HECW2: variants seen among roughly 807,000 people sequenced by gnomAD.
The protein encoded by HECW2 is HECT, C2 and WW domain containing E3 ubiquitin protein ligase 2, also known as E3 ubiquitin-protein ligase HECW2.
HECW2 carries 61 observed loss-of-function variants against 175.2 expected under a neutral mutation model. The ratio of observed to expected loss-of-function variants is 0.35; its 90% CI spans 0.28 to 0.43. The LOEUF is 0.43. Among genes scored for constraint, HECW2 ranks in the 20% least tolerant of loss-of-function variants. The probability of loss-of-function intolerance (pLI) is 1.00; values close to 1 mark genes in which losing one functional copy is unlikely to be tolerated. For synonymous variants in HECW2, 671 were observed against 731.0 expected (o/e 0.92, Z 1.32); for missense variants, 1,524 against 2,000.5 (o/e 0.76, Z 4.54).
chr2:196,277,403 T>C (rs938916558), intron 15 of HECW2, among the ~76,000 whole-genome samples: 3 of 152,222 alleles, frequency 2.0e-5, no homozygotes, highest in African/African-American at 7.2e-5. Flanking sequence ...TAATGTAATA[T>C]AGAAAACTTC....
At chr2:196,405,575 C>T (rs1160801972) in intron 2 of HECW2, among the ~76,000 whole-genome samples, 1 of 152,178 alleles carries the variant, frequency 6.6e-6, no homozygotes, top group African/African-American at 2.4e-5. Flanking sequence ...AACCCCCCAT[C>T]TTATGCTCTA....
chr2:196,292,417 CCTG>C, intron 14 of HECW2, 145 bp downstream of exon 14: 1 of 657,766 alleles, frequency 1.5e-6, no homozygotes, highest in Non-Finnish European at 2.6e-6. Context: ...TCACAAACAA[CCTG>C]CTGTCCAGGT....
intron 2 of HECW2, among the ~76,000 whole-genome samples, chr2:196,392,411 T>C (rs1205295868): frequency 2.0e-5 from 3 of 152,190 alleles, no homozygotes; most frequent in Non-Finnish European, 4.4e-5. Context: ...TCTAGTTCTT[T>C]GCTTTTAAGT....
At chr2:196,313,728 GAAC>G (rs750487555) in intron 10 of HECW2, among the ~76,000 whole-genome samples, 1 of 152,056 alleles carries the variant, frequency 6.6e-6, no homozygotes, top group African/African-American at 2.4e-5. Context: ...AAAATAACAA[GAAC>G]AACAATAATA....
At chr2:196,578,396 T>C (rs1007521864) in intron 1 of HECW2, among the ~76,000 whole-genome samples, 4 of 152,174 alleles carry the variant, frequency 2.6e-5, no homozygotes, top group African/African-American at 4.8e-5. Context: ...CAAAGCAACA[T>C]ATGCACACTG....
intron 17 of HECW2, among the ~76,000 whole-genome samples, chr2:196,270,938 C>T (rs1472024942): frequency 1.3e-5 from 2 of 152,124 alleles, no homozygotes; most frequent in Non-Finnish European, 2.9e-5. Context: ...TCGTGATCTG[C>T]CTGCCTCGGC....
chr2:196,542,683 A>G (rs1689266090), intron 1 of HECW2, among the ~76,000 whole-genome samples: 1 of 151,926 alleles, frequency 6.6e-6, no homozygotes. Flanking sequence ...CATGTATACA[A>G]GCAGGTGGGT....
chr2:196,434,063 T>C (rs1416479670), intron 1 of HECW2, among the ~76,000 whole-genome samples: 7 of 147,262 alleles, frequency 4.8e-5, no homozygotes, highest in African/African-American at 1.6e-4. Context: ...TCTATAGCAA[T>C]TTTTGTGATC....
chr2:196,248,416 A>G (rs1267259073), intron 19 of HECW2, among the ~76,000 whole-genome samples: 1 of 152,042 alleles, frequency 6.6e-6, no homozygotes, highest in Non-Finnish European at 1.5e-5. Context: ...CAACTTCCCC[A>G]TCCCTACCCA....
intron 2 of HECW2, among the ~76,000 whole-genome samples, chr2:196,420,429 A>G (rs1226752237): frequency 6.6e-6 from 1 of 152,248 alleles, no homozygotes; most frequent in East Asian, 1.9e-4. Flanking sequence ...TAAGGCCTTG[A>G]CTTTACAAAT....
chr2:196,283,433 TGG>T (rs1230888262), intron 14 of HECW2, among the ~76,000 whole-genome samples: 1 of 149,448 alleles, frequency 6.7e-6, no homozygotes, highest in African/African-American at 2.5e-5. Flanking sequence ...TGGAGTGCAG[TGG>T]CACAATCTTG....
chr2:196,274,114 C>A lies in HECW2; in HGVS notation c.3145G>T (p.Asp1049Tyr), dbSNP rs752907605. ...ACTGGTGGTCCTGCATGTCGAGAAT[C>A]TTCTCCTACCTGCAAACAGAAGCAT... ...RSHSAGEVGE[D>Y]SRHAGPPVLP... Residue 1049 changes from aspartate to tyrosine, a missense_variant, in exon 16 of 29, where the codon GAT becomes TAT. Asp to Tyr is a radical substitution (Grantham distance 160, BLOSUM62 -3). Coordinates refer to ENST00000644978, the MANE Select transcript of HECW2 (RefSeq NM_001348768.2). 1.9e-6 allele frequency: 3 copies of A among 1,612,776 alleles called. No homozygotes were observed. The highest frequency in any genetic ancestry group is 2.5e-6 in the Non-Finnish European group (3 of 1,178,896).
Position 196,294,353 on chromosome 2 carries a change from G to C in HECW2, c.2815-1603C>G, listed in dbSNP as rs528462937. ...GACCAGGCCGTGAATGATCATCCTG[G>C]AACTCTATTCTTCTCAGACTGATTC... is the stretch of plus-strand genomic sequence containing the variant. On this transcript the variant is annotated intron_variant, in intron 13 of 28. Coordinates refer to ENST00000644978, the MANE Select transcript of HECW2 (RefSeq NM_001348768.2). Among the ~76,000 whole-genome samples, 3 of 152,292 alleles carry C rather than the reference G, an allele frequency of 2.0e-5. No individual in the cohort carries two copies. In the East Asian group the frequency reaches 5.8e-4, roughly 29 times the overall value.
chr2:196,461,529 C>A (rs558573575), intron 1 of HECW2, among the ~76,000 whole-genome samples: 1 of 152,172 alleles, frequency 6.6e-6, no homozygotes, highest in African/African-American at 2.4e-5. Flanking sequence ...CACACAAAGA[C>A]TTATTGTATT....
At chr2:196,202,784 T>C (rs1020216830) in intron 28 of HECW2, among the ~76,000 whole-genome samples, 4 of 152,326 alleles carry the variant, frequency 2.6e-5, no homozygotes, top group South Asian at 2.1e-4. Flanking sequence ...AGAATACAGA[T>C]AGAGTATTCC....
chr2:196,401,079 A>G (rs1011404051), intron 2 of HECW2, among the ~76,000 whole-genome samples: 1 of 152,222 alleles, frequency 6.6e-6, no homozygotes, highest in Admixed American at 6.5e-5. Flanking sequence ...CTCAAATTAA[A>G]TGCGCACATT....
rs150376728 is a variant in HECW2 at position 196,363,546 on chromosome 2, C to G, written c.293-19782G>C. Among the ~76,000 whole-genome samples the G allele has an allele frequency of 5.3e-5, 8 of 152,312 alleles. No individual in the cohort carries two copies. In the East Asian group the frequency reaches 1.5e-3, roughly 29 times the overall value. On this transcript the variant is annotated intron_variant, in intron 2 of 28. Transcript: ENST00000644978. ...CACTGGGAGATTAAGAAAAATAAAT[C>G]TAGGCCAGGAACCATGGCTCACGCC...
chr2:196,355,652 A>C (rs1288438782), intron 2 of HECW2, among the ~76,000 whole-genome samples: 6 of 152,198 alleles, frequency 3.9e-5, no homozygotes, highest in Admixed American at 3.9e-4. Flanking sequence ...TGAAATTTAC[A>C]AAAATTCATT....
At chr2:196,500,438 A>G (rs973645816) in intron 1 of HECW2, among the ~76,000 whole-genome samples, 7 of 152,236 alleles carry the variant, frequency 4.6e-5, no homozygotes, top group African/African-American at 1.7e-4. Flanking sequence ...AGTTCAAATA[A>G]TCTGCATAGA....
Sources: gnomAD v4.1 joint callset for allele counts (sites outside exome capture counted in the v4.1 genomes callset) on GRCh38, gnomAD v4.1.1 for gene constraint, MANE v1.5 for transcripts, NCBI Gene and HGNC (gene_info 2026-07-23, HGNC 2026-07-21) for gene names.